NFKBIZ: variants seen among roughly 807,000 people sequenced by gnomAD.
NFKBIZ encodes the protein NF-kappa-B inhibitor zeta.
NFKBIZ carries 19 observed loss-of-function variants against 76.8 expected under a neutral mutation model. The observed-to-expected ratio is 0.25, with a 90% confidence interval of 0.17 to 0.36. The LOEUF is 0.36. Among genes scored for constraint, NFKBIZ ranks in the 10% least tolerant of loss-of-function variants. The pLI is 1.00. For synonymous variants in NFKBIZ, 368 were observed against 354.8 expected, an observed-to-expected ratio of 1.04 and a Z score of -0.42; for missense variants, 829 against 910.9, an observed-to-expected ratio of 0.91 and a Z score of 1.16.
chr3:101,838,072 ATAGATGCAAGG>A (rs1942745489), intron 2 of NFKBIZ, among the ~76,000 whole-genome samples: 1 of 152,228 alleles, frequency 6.6e-6, no homozygotes, highest in Non-Finnish European at 1.5e-5. Context: ...AAAATTCAAT[ATAGATGCAAGG>A]TATGACTAAC....
chr3:101,846,433 T>C (rs1219586870), upstream of NFKBIZ, among the ~76,000 whole-genome samples: 3 of 152,246 alleles, frequency 2.0e-5, no homozygotes, highest in Non-Finnish European at 4.4e-5. Flanking sequence ...GGAGGGCTTC[T>C]GGGCATTGGG....
intron 2 of NFKBIZ, among the ~76,000 whole-genome samples, chr3:101,830,351 A>C (rs1385013790): frequency 1.3e-5 from 2 of 152,106 alleles, no homozygotes; most frequent in Non-Finnish European, 2.9e-5. Flanking sequence ...CTTTTATTTT[A>C]GATTCAGGGG....
chr3:101,844,100 A>T (rs1481168007), intron 2 of NFKBIZ, among the ~76,000 whole-genome samples: 1 of 152,356 alleles, frequency 6.6e-6, no homozygotes, highest in East Asian at 1.9e-4. Context: ...TCAGTCAAGT[A>T]TAATTGGTGT....
At chr3:101,833,826 A>G (rs964118979) in intron 2 of NFKBIZ, among the ~76,000 whole-genome samples, 2 of 152,178 alleles carry the variant, frequency 1.3e-5, no homozygotes, top group African/African-American at 4.8e-5. Flanking sequence ...CAGTAATGTC[A>G]AAATCTAGGG....
At chr3:101,829,434 G>A (rs1283915679) in intron 1 of NFKBIZ, among the ~76,000 whole-genome samples, 1 of 152,194 alleles carries the variant, frequency 6.6e-6, no homozygotes, top group African/African-American at 2.4e-5. Flanking sequence ...GACAAGACAA[G>A]AAAGCTCTCA....
rs2107426421 is a variant in NFKBIZ at position 101,859,933 on chromosome 3, T to A, written c.*562T>A. 1 of 152,408 alleles carries A rather than the reference T, an allele frequency of 6.6e-6. No individual in the cohort carries two copies. Among genetic ancestry groups the A allele is most frequent in the East Asian group, 1.9e-4 (1 of 5,190 alleles). The allele number at this position is 152,408 out of a possible 1,614,324, so 9.4% of individuals were successfully genotyped here. A position where few individuals can be genotyped will look rare whatever the true frequency, so the allele number is the denominator to read the frequency against. On this transcript the variant is annotated 3_prime_UTR_variant, in exon 12 of 12. Transcript: ENST00000326172. ...CTTAAAAATATTGTACATACTTGGT[T>A]GTTAACATGGTCATATTTGAAATGT...
Position 101,852,802 on chromosome 3 carries a change from G to A in NFKBIZ, c.460+34G>A, listed in dbSNP as rs1942987383. 1.9e-6 allele frequency: 3 copies of A among 1,608,718 alleles called. No homozygotes were observed. The East Asian group carries it at 6.7e-5, about 36-fold the overall frequency. ...TACTTGTATTTGTAATTTTTTCAGG[G>A]CTTTGGAGTAAATAATAGAGTGTAA... is the stretch of plus-strand genomic sequence containing the variant. On this transcript the variant is annotated intron_variant, in intron 3 of 11. Coordinates refer to ENST00000326172, the MANE Select transcript of NFKBIZ (RefSeq NM_031419.4).
intron 2 of NFKBIZ, among the ~76,000 whole-genome samples, chr3:101,834,796 G>A (rs1407932624): frequency 1.3e-5 from 2 of 152,226 alleles, no homozygotes; most frequent in African/African-American, 2.4e-5. Flanking sequence ...GACTGTTGCA[G>A]AGTCTTTCCT....
At chr3:101,856,028 A>G (rs1943044245) in intron 9 of NFKBIZ, 126 bp downstream of exon 9, 1 of 842,968 alleles carries the variant, frequency 1.2e-6, no homozygotes, top group Admixed American at 3.4e-5. Flanking sequence ...GTGAGTAGCA[A>G]TGTATGGGTG....
intron 5 of NFKBIZ, among the ~76,000 whole-genome samples, chr3:101,854,338 A>G (rs547294095): frequency 2.6e-5 from 4 of 152,298 alleles, no homozygotes; most frequent in African/African-American, 9.6e-5. Context: ...AATAGATTTA[A>G]GTTGATCAGT....
At chr3:101,829,911 T>G (rs2107390389) in intron 2 of NFKBIZ, among the ~76,000 whole-genome samples, 1 of 152,084 alleles carries the variant, frequency 6.6e-6, no homozygotes, top group South Asian at 2.1e-4. Flanking sequence ...GGTTTAGTAG[T>G]ATTTTTTTAA....
chr3:101,855,145 A>G lies in NFKBIZ; in HGVS notation c.1527A>G (p.Thr509=). ...ACATCGGGGCACAGGTGAACACCAC[A>G]GACTGCTGGGGAAGAACACCTCTGC... The part of the protein sequence containing the change: ...LVNIGAQVNT[T]DCWGRTPLHV... The change falls in exon 7 of 12, where the codon ACA becomes ACG. Residue 509 remains threonine, a synonymous_variant. Transcript: ENST00000326172. 6.2e-7 allele frequency: 1 copy of G among 1,614,088 alleles called. No individual in the cohort carries two copies. Among genetic ancestry groups the G allele is most frequent in the South Asian group, 1.1e-5 (1 of 91,044 alleles).
rs1230712655 is a variant in NFKBIZ at position 101,857,180 on chromosome 3, A to T, written c.1932A>T (p.Ala644=). The T allele has an allele frequency of 6.3e-7, 1 of 1,595,250 alleles. No homozygotes were observed. Among genetic ancestry groups the T allele is most frequent in the South Asian group, 1.1e-5 (1 of 90,184 alleles). Reference sequence around the variant, plus strand: ...CCAGTTGCCTGTCTTTTGTGAATGCAAAGGTACACCAGAGTTGGAATGGCC... The same window carrying T: ...CCAGTTGCCTGTCTTTTGTGAATGCTAAGGTACACCAGAGTTGGAATGGCC... ...ELPSCLSFVN[A]KAYNGNTALH... is the part of the protein sequence containing the mutation. The change falls in exon 10 of 12, where the codon GCA becomes GCT. Residue 644 remains alanine, a synonymous_variant. Transcript: ENST00000326172.
At chr3:101,857,511 CAG>C in intron 11 of NFKBIZ, 52 bp downstream of exon 11, 2 of 1,607,722 alleles carry the variant, frequency 1.2e-6, no homozygotes, top group Non-Finnish European at 1.7e-6. Flanking sequence ...CAGTCTGAAA[CAG>C]AAAGGGAGAT....
At position 101,856,836 on chromosome 3, in the gene NFKBIZ, A is replaced by C. The variant is rs1302619706; in HGVS notation, c.1825-237A>C. The C allele has an allele frequency of 2.6e-5, 11 of 418,310 alleles. No homozygotes were observed. In the East Asian group the frequency reaches 4.2e-4, roughly 16 times the overall value. The allele number at this position is 418,310 out of a possible 1,614,324, so 25.9% of individuals were successfully genotyped here. On this transcript the variant is annotated intron_variant, in intron 9 of 11. Transcript: ENST00000326172. ...ATTTATTTTTCTACATTTTATGGCC[A>C]CCCTGTATAAAAAGGTACATTGTGA...
intron 11 of NFKBIZ, chr3:101,858,377 A>G: frequency 2.0e-6 from 2 of 982,820 alleles, no homozygotes; most frequent in Middle Eastern, 5.2e-4. Context: ...TCAAGTTTCA[A>G]CTGAGAAAAT....
upstream of NFKBIZ, among the ~76,000 whole-genome samples, chr3:101,847,485 C>T (rs900294335): frequency 6.6e-6 from 1 of 152,172 alleles, no homozygotes; most frequent in Non-Finnish European, 1.5e-5. Flanking sequence ...AGAAATGTGT[C>T]GTTAAGTGAT....
In NFKBIZ at chr3:101,860,815, G is replaced by GA. The variant is rs1943123118; in HGVS notation, c.*1448dup. 1 of 128,556 alleles carries GA rather than the reference G, an allele frequency of 7.8e-6. No individual in the cohort carries two copies. The highest frequency in any genetic ancestry group is 1.7e-5 in the Non-Finnish European group (1 of 58,986). The allele number at this position is 128,556 out of a possible 1,614,324, so 8.0% of individuals were successfully genotyped here. A position where few individuals can be genotyped will look rare whatever the true frequency, so the allele number is the denominator to read the frequency against. On this transcript the variant is annotated 3_prime_UTR_variant, in exon 12 of 12. Transcript: ENST00000326172. ...TTTTTTTTTTAAAAAAAAAAAAAAA[G>GA]AAAATCTCATTAGTGAACTTATCTT... is the stretch of plus-strand genomic sequence containing the variant.
intron 2 of NFKBIZ, among the ~76,000 whole-genome samples, chr3:101,834,115 G>C (rs1385873306): frequency 6.6e-6 from 1 of 152,174 alleles, no homozygotes; most frequent in Admixed American, 6.5e-5. Flanking sequence ...GTGCAGATAA[G>C]GGGTGAGGTA....
Sources: gnomAD v4.1 joint callset for allele counts (sites outside exome capture counted in the v4.1 genomes callset) on GRCh38, gnomAD v4.1.1 for gene constraint, MANE v1.5 for transcripts, NCBI Gene and HGNC (gene_info 2026-07-23, HGNC 2026-07-21) for gene names.